PPIH: variants seen among roughly 807,000 people sequenced by gnomAD.
The protein encoded by PPIH is peptidyl-prolyl cis-trans isomerase H.
In PPIH, 16 loss-of-function variants were observed where a neutral mutation model predicts 27.6. The ratio of observed to expected loss-of-function variants is 0.58; its 90% CI spans 0.39 to 0.88. The LOEUF (loss-of-function observed/expected upper bound fraction) is 0.88. Ranked by LOEUF, PPIH falls within the 40% of genes least tolerant of loss-of-function variation. The probability of loss-of-function intolerance (pLI) is 0.00; values close to 1 mark genes in which losing one functional copy is unlikely to be tolerated. For synonymous variants in PPIH, 63 were observed against 76.1 expected (o/e 0.83, Z 0.90); for missense variants, 155 against 224.1 (o/e 0.69, Z 1.97).
At chr1:42,659,461 T>G in intron 3 of PPIH, 61 bp from the exon 4 acceptor site, 1 of 1,614,194 alleles carries the variant, frequency 6.2e-7, no homozygotes, top group Non-Finnish European at 8.5e-7. Flanking sequence ...CAGTGCATGG[T>G]AAACTGGAAA....
chr1:42,677,277 C>G (rs1421653350), downstream of PPIH, among the ~76,000 whole-genome samples: 2 of 151,964 alleles, frequency 1.3e-5, no homozygotes, highest in Non-Finnish European at 2.9e-5. Flanking sequence ...AGTTCAAGAC[C>G]AGCCTGGCCA....
rs903822551 is a variant in PPIH, at chr1:42,658,472, T to C, written c.26T>C (p.Val9Ala). Residue 9 changes from valine to alanine, a missense_variant, in exon 1 of 10, where the codon GTT (valine) becomes GCT (alanine). Physicochemically the swap from Val to Ala is moderately conservative, Grantham distance 64 (BLOSUM62 0). This residue lies in a region of PPIH where 59 missense variants were observed against 48.8 expected (regional missense o/e 1.21). Transcript: ENST00000304979. ...ATGGCGGTGGCAAATTCAAGTCCTG[T>C]TAACCCCGTGGTGTTCTTTGATGTC... is the stretch of plus-strand genomic sequence containing the variant. MAVANSSP[V>A]NPVVFFDVSI... 6.2e-7 allele frequency: 1 copy of C among 1,614,178 alleles called. No individual in the cohort carries two copies. The highest frequency in any genetic ancestry group is 8.5e-7 in the Non-Finnish European group (1 of 1,180,006).
chr1:42,659,053 G>T (rs1194243675), intron 2 of PPIH, 145 bp downstream of exon 2: 4 of 1,340,744 alleles, frequency 3.0e-6, no homozygotes, highest in African/African-American at 1.4e-5. Context: ...TCTGGTTGCC[G>T]TTTGGATTGT....
At chr1:42,672,632 A>G (rs1468573601) in intron 9 of PPIH, among the ~76,000 whole-genome samples, 1 of 152,056 alleles carries the variant, frequency 6.6e-6, no homozygotes, top group Non-Finnish European at 1.5e-5. Context: ...TTTTAGTGAA[A>G]ATGAAGTTTT....
intron 9 of PPIH, among the ~76,000 whole-genome samples, chr1:42,674,892 C>T (rs1365017767): frequency 6.6e-6 from 1 of 152,222 alleles, no homozygotes; most frequent in Non-Finnish European, 1.5e-5. Flanking sequence ...GAATGTCTGG[C>T]TCCAGTCCAT....
intron 8 of PPIH, 104 bp downstream of exon 8, chr1:42,666,691 G>A: frequency 8.2e-7 from 1 of 1,213,262 alleles, no homozygotes; most frequent in South Asian, 1.3e-5. Flanking sequence ...AGTTTGTTAG[G>A]CTGTCTTCAT....
chr1:42,670,799 A>T (rs562574345), intron 9 of PPIH, among the ~76,000 whole-genome samples: 5 of 151,900 alleles, frequency 3.3e-5, no homozygotes, highest in South Asian at 4.2e-4. Context: ...TTTTTTATTT[A>T]TTTTTTATTT....
intron 5 of PPIH, among the ~76,000 whole-genome samples, chr1:42,662,741 A>G (rs914122728): frequency 3.3e-5 from 5 of 152,198 alleles, no homozygotes; most frequent in African/African-American, 1.2e-4. Context: ...GAAGAAAATA[A>G]ATCACCAAAT....
intron 5 of PPIH, among the ~76,000 whole-genome samples, chr1:42,663,206 A>G (rs1360636840): frequency 6.6e-6 from 1 of 152,162 alleles, no homozygotes; most frequent in Non-Finnish European, 1.5e-5. Flanking sequence ...TTAATGACAT[A>G]TTAGCTTATT....
downstream of PPIH, among the ~76,000 whole-genome samples, chr1:42,678,434 C>T (rs1209805104): frequency 1.3e-5 from 2 of 152,214 alleles, no homozygotes; most frequent in African/African-American, 2.4e-5. Context: ...GAATCTCACT[C>T]TGTCGCCCAG....
At chr1:42,673,769 G>A (rs183386707) in intron 9 of PPIH, among the ~76,000 whole-genome samples, 5 of 152,280 alleles carry the variant, frequency 3.3e-5, no homozygotes, top group Admixed American at 2.6e-4. Flanking sequence ...TACGGAATTA[G>A]CACAATACAT....
At position 42,667,441 on chromosome 1, in the gene PPIH, G is replaced by T; in HGVS notation, c.*21+1G>T. 6.4e-7 allele frequency: 1 copy of T among 1,562,930 alleles called. No individual in the cohort carries two copies. The highest frequency in any genetic ancestry group is 8.8e-7 in the Non-Finnish European group (1 of 1,133,702). On this transcript the variant is annotated splice_donor_variant, in intron 9 of 9. Coordinates refer to ENST00000304979, the MANE Select transcript of PPIH (RefSeq NM_006347.4). LOFTEE classifies it low-confidence loss of function (3UTR_SPLICE). ...GTAGTCCAGACAAAGACTGAATCAG[G>T]TAAGTGTGTCTTTCTCCTATTAGGT...
chr1:42,674,263 T>C (rs1376174783), intron 9 of PPIH, among the ~76,000 whole-genome samples: 1 of 152,180 alleles, frequency 6.6e-6, no homozygotes, highest in Non-Finnish European at 1.5e-5. Context: ...CAAGAAAGAA[T>C]ATAACTTGTC....
At chr1:42,677,941 G>A (rs1649936822), downstream of PPIH, among the ~76,000 whole-genome samples, 1 of 152,154 alleles carries the variant, frequency 6.6e-6, no homozygotes, top group Non-Finnish European at 1.5e-5. Context: ...CTTAACTACT[G>A]GCAGCAAGAT....
chr1:42,670,035 C>T (rs911228455), intron 9 of PPIH, among the ~76,000 whole-genome samples: 6 of 152,202 alleles, frequency 3.9e-5, no homozygotes, highest in African/African-American at 1.2e-4. Flanking sequence ...CTGGCACTTA[C>T]AGGCATTCAG....
At chr1:42,667,167 A>T (rs900843170) in intron 8 of PPIH, among the ~76,000 whole-genome samples, 184 bp from the exon 9 acceptor site, 4 of 152,148 alleles carry the variant, frequency 2.6e-5, no homozygotes, top group Non-Finnish European at 1.5e-5. Context: ...CATAAGTTTG[A>T]TATTTTCTAA....
At chr1:42,667,515 T>C (rs1298425942) in intron 9 of PPIH, 75 bp downstream of exon 9, 5 of 1,291,442 alleles carry the variant, frequency 3.9e-6, no homozygotes, top group Admixed American at 3.9e-5. Flanking sequence ...GAAAGAACTT[T>C]AGTCTTGAAG....
chr1:42,680,580 A>G (rs1208664366), downstream of PPIH, among the ~76,000 whole-genome samples: 3 of 152,178 alleles, frequency 2.0e-5, no homozygotes, highest in African/African-American at 7.2e-5. Flanking sequence ...TCATGATCAG[A>G]TAGATGTTCT....
At chr1:42,678,158 A>G (rs964175832), downstream of PPIH, among the ~76,000 whole-genome samples, 1 of 152,132 alleles carries the variant, frequency 6.6e-6, no homozygotes, top group Non-Finnish European at 1.5e-5. Flanking sequence ...AAGTAACTAT[A>G]TAGGGTGGGA....
Sources: allele counts gnomAD v4.1 joint callset (sites outside exome capture counted in the v4.1 genomes callset), GRCh38; gene constraint gnomAD v4.1.1; regional missense constraint gnomAD v4.1.1; transcripts MANE v1.5; gene names NCBI Gene and HGNC (gene_info 2026-07-23, HGNC 2026-07-21).